The following WDR27 variants were observed in gnomAD, a reference collection of about 807,000 sequenced individuals.
WDR27 encodes WD repeat-containing protein 27.
In WDR27, 100 loss-of-function variants were observed where a neutral mutation model predicts 114.4. The ratio of observed to expected loss-of-function variants is 0.87; its 90% CI spans 0.74 to 1.03. The LOEUF (loss-of-function observed/expected upper bound fraction) is 1.03, where lower values mean the gene tolerates loss of function less well. WDR27 is among the 50% of genes least tolerant of loss of function. The pLI is 0.00. For synonymous variants in WDR27, 449 were observed against 423.1 expected, an observed-to-expected ratio of 1.06 and a Z score of -0.75; for missense variants, 1,129 against 1,092.9, an observed-to-expected ratio of 1.03 and a Z score of -0.47.
At chr6:169,601,265 G>C (rs1054718087) in intron 23 of WDR27, among the ~76,000 whole-genome samples, 10 of 152,240 alleles carry the variant, frequency 6.6e-5, no homozygotes, top group Admixed American at 5.9e-4. Context: ...CAAATGCTGA[G>C]AGATTCTGTC....
chr6:169,679,806 G>C lies in WDR27; in HGVS notation c.190-7410C>G, dbSNP rs1263753600. 2.0e-5 allele frequency among the ~76,000 whole-genome samples: 3 copies of C among 152,300 alleles called. No individual in the cohort carries two copies. In the East Asian group the frequency reaches 5.8e-4, roughly 29 times the overall value. Reference sequence around the variant, plus strand: ...ATCCAGTCTCAGGTATTTCTTTATAGCAATACAGAAATGGCCTAATACATG... The same window carrying C: ...ATCCAGTCTCAGGTATTTCTTTATACCAATACAGAAATGGCCTAATACATG... On this transcript the variant is annotated intron_variant, in intron 2 of 25. Transcript: ENST00000448612.
At chr6:169,693,428 A>T (rs144569296) in intron 1 of WDR27, among the ~76,000 whole-genome samples, 1 of 152,298 alleles carries the variant, frequency 6.6e-6, no homozygotes, top group East Asian at 1.9e-4. Flanking sequence ...TAACACAATG[A>T]AAAAAGGGTA....
At chr6:169,656,684 G>A (rs1031557533) in intron 13 of WDR27, among the ~76,000 whole-genome samples, 1 of 152,166 alleles carries the variant, frequency 6.6e-6, no homozygotes, top group Non-Finnish European at 1.5e-5. Context: ...GGCCCAGGAG[G>A]AGGCGACAGC....
At chr6:169,603,048 G>C (rs899345465) in intron 22 of WDR27, among the ~76,000 whole-genome samples, 7 of 151,904 alleles carry the variant, frequency 4.6e-5, no homozygotes, top group African/African-American at 1.7e-4. Context: ...CACCATGTTG[G>C]CCAAGCTGGT....
At chr6:169,652,229 T>G (rs1028014488) in intron 13 of WDR27, among the ~76,000 whole-genome samples, 1 of 152,140 alleles carries the variant, frequency 6.6e-6, no homozygotes, top group Admixed American at 6.5e-5. Context: ...CCAAGTTGGT[T>G]GTTTTGTTGT....
At chr6:169,433,658 A>G in the WDR27 span, among the ~76,000 whole-genome samples, 1 of 152,328 alleles carries the variant, frequency 6.6e-6, no homozygotes, top group Middle Eastern at 3.4e-3. Flanking sequence ...TCCTTGAGGA[A>G]TTGTCACACT....
the WDR27 span, among the ~76,000 whole-genome samples, chr6:169,428,868 C>G: frequency 1.3e-5 from 2 of 152,176 alleles, no homozygotes; most frequent in Non-Finnish European, 2.9e-5. Context: ...GTCTTCGTCC[C>G]ACTTCTCAAG....
Position 169,659,593 on chromosome 6 carries a change from GC to G in WDR27, c.1130-76del, listed in dbSNP as rs1442677285. The G allele has an allele frequency of 2.2e-5, 31 of 1,417,554 alleles. No individual in the cohort carries two copies. In the East Asian group the frequency reaches 5.2e-4, roughly 24 times the overall value. 87.8% of individuals were successfully genotyped at this position (1,417,554 alleles called of 1,614,324 possible). A position where few individuals can be genotyped will look rare whatever the true frequency, so the allele number is the denominator to read the frequency against. On this transcript the variant is annotated intron_variant, in intron 10 of 25. Transcript: ENST00000448612. This position sits in a 1 kb window ranked among gnomAD's most constrained non-coding sequence, Gnocchi z 4.3. ...CATACACACGGAGTCACTGCCCAGA[GC>G]CCACCACACACAGCCCAGAGCCCAC...
chr6:169,666,453 C>CT, intron 6 of WDR27: 1 of 985,496 alleles, frequency 1.0e-6, no homozygotes, highest in Non-Finnish European at 1.2e-6. Context: ...TTCCCTAACT[C>CT]TCTTCTTCTG....
chr6:169,664,482 A>G, intron 7 of WDR27, 196 bp from the exon 8 acceptor site: 1 of 1,431,322 alleles, frequency 7.0e-7, no homozygotes, highest in South Asian at 1.5e-5. Flanking sequence ...ACGGTGTCAG[A>G]GCACTTTCAC....
chr6:169,471,743 T>C (rs767278229), intron 25 of WDR27, among the ~76,000 whole-genome samples: 5 of 152,208 alleles, frequency 3.3e-5, no homozygotes, highest in Non-Finnish European at 5.9e-5. Context: ...TCTTAGGTGA[T>C]CTGTTAGTCC....
At chr6:169,429,940 G>A in the WDR27 span, among the ~76,000 whole-genome samples, 1 of 152,176 alleles carries the variant, frequency 6.6e-6, no homozygotes, top group Non-Finnish European at 1.5e-5. Context: ...TGTGGTATGG[G>A]TCCAAACACG....
intron 25 of WDR27, among the ~76,000 whole-genome samples, chr6:169,538,574 T>G (rs987443647): frequency 6.6e-6 from 1 of 152,092 alleles, no homozygotes; most frequent in Non-Finnish European, 1.5e-5. Context: ...TTTCCTACTC[T>G]TCCTCTCCTT....
rs1034846960 is a variant in WDR27 at position 169,578,193 on chromosome 6, G to A, written c.2523+4643C>T. The stretch of plus-strand genomic sequence containing the variant: ...TGTAAGGCGCTCTCCAACTGTGAAA[G>A]TGTGACATGGTCCTGGAATAACGGC... On this transcript the variant is annotated intron_variant, in intron 24 of 25. Coordinates refer to ENST00000448612, the MANE Select transcript of WDR27 (RefSeq NM_182552.5). Among the ~76,000 whole-genome samples, 3 of 152,218 alleles carry A rather than the reference G, an allele frequency of 2.0e-5. No individual in the cohort carries two copies. In the East Asian group the frequency reaches 5.8e-4, roughly 29 times the overall value.
intron 23 of WDR27, among the ~76,000 whole-genome samples, chr6:169,587,578 C>T (rs1804908889): frequency 6.6e-6 from 1 of 152,228 alleles, no homozygotes; most frequent in Admixed American, 6.5e-5. Flanking sequence ...TCAGCAGAAG[C>T]TGCTTCTCCT....
chr6:169,452,988 C>A (rs1229869889), downstream of WDR27, among the ~76,000 whole-genome samples: 1 of 152,226 alleles, frequency 6.6e-6, no homozygotes, highest in Non-Finnish European at 1.5e-5. Flanking sequence ...CCCTCCCCAG[C>A]CTCCCTGGTC....
chr6:169,679,009 C>A (rs1780783338), intron 2 of WDR27, among the ~76,000 whole-genome samples: 1 of 152,304 alleles, frequency 6.6e-6, no homozygotes, highest in African/African-American at 2.4e-5. Context: ...ATGGTCTCCA[C>A]AATCCTTTAG....
intron 25 of WDR27, among the ~76,000 whole-genome samples, chr6:169,526,038 T>G (rs955832162): frequency 6.6e-6 from 1 of 152,050 alleles, no homozygotes; most frequent in Non-Finnish European, 1.5e-5. Flanking sequence ...AAAGTGGATC[T>G]CATGAAGATA....
At chr6:169,598,626 G>A (rs1208348296) in intron 23 of WDR27, among the ~76,000 whole-genome samples, 2 of 152,212 alleles carry the variant, frequency 1.3e-5, no homozygotes, top group Non-Finnish European at 1.5e-5. Flanking sequence ...ACGGGGAAAC[G>A]AGAGATGTGC....
Sources: gnomAD v4.1 joint callset for allele counts (sites outside exome capture counted in the v4.1 genomes callset) on GRCh38, gnomAD v4.1.1 for gene constraint, Gnocchi (gnomAD v3.1) non-coding constraint, MANE v1.5 for transcripts, NCBI Gene and HGNC (gene_info 2026-07-23, HGNC 2026-07-21) for gene names.